Variants in PSG7 observed in about 807,000 individuals in gnomAD.
The protein encoded by PSG7 is pregnancy-specific beta-1-glycoprotein 7.
PSG7 carries 57 observed loss-of-function variants against 45.6 expected under a neutral mutation model. That is an observed-to-expected ratio of 1.25 (90% CI 1.01 to 1.56). The LOEUF (loss-of-function observed/expected upper bound fraction) is 1.56, where lower values mean the gene tolerates loss of function less well. Among genes scored for constraint, PSG7 ranks in the 40% most tolerant of loss-of-function variants. PSG7 has a pLI of 0.00. For missense variants in PSG7, 796 were observed against 508.4 expected (o/e 1.57, Z -5.44); for synonymous variants, 298 against 194.4 (o/e 1.53, Z -4.43).
intron 2 of PSG7, among the ~76,000 whole-genome samples, chr19:42,930,443 C>T (rs1326346709): frequency 6.6e-6 from 1 of 151,650 alleles, no homozygotes; most frequent in Admixed American, 6.6e-5. Context: ...ACCATGTTCC[C>T]TGTTCTGGGT....
intron 2 of PSG7, among the ~76,000 whole-genome samples, chr19:42,933,614 G>T (rs1264953758): frequency 6.6e-6 from 1 of 150,528 alleles, no homozygotes; most frequent in Non-Finnish European, 1.5e-5. Flanking sequence ...AGTCAGCCTA[G>T]TTAGAGGGAG....
intron 1 of PSG7, chr19:42,936,050 T>C (rs1226164103): frequency 5.7e-6 from 3 of 528,916 alleles, no homozygotes; most frequent in Non-Finnish European, 9.0e-6. Context: ...TGGAATCCTC[T>C]TCCCCAGGGG....
intron 2 of PSG7, among the ~76,000 whole-genome samples, chr19:42,935,167 C>G (rs1367949856): frequency 6.6e-6 from 1 of 151,880 alleles, no homozygotes; most frequent in Non-Finnish European, 1.5e-5. Flanking sequence ...GCTGAGTCCC[C>G]CCATCAGACT....
chr19:42,925,029 G>C lies in PSG7; in HGVS notation c.1244-205C>G, dbSNP rs1167055021. ...GATTGTTTACATAAGTGCAGCAAGA[G>C]TAGCAATGGACTATGTAGGCTCTCT... is the stretch of plus-strand genomic sequence containing the variant. On this transcript the variant is annotated intron_variant, in intron 5 of 5. Transcript: ENST00000406070. 3 of 603,338 alleles carry C rather than the reference G, an allele frequency of 5.0e-6. No homozygotes were observed. The African/African-American group carries it at 5.6e-5, about 11-fold the overall frequency. The allele number at this position is 603,338 out of a possible 1,614,324, so 37.4% of individuals were successfully genotyped here.
chr19:42,924,689 T>C lies in PSG7; in HGVS notation c.*119A>G. 1 of 763,764 alleles carries C rather than the reference T, an allele frequency of 1.3e-6. No individual in the cohort carries two copies. 47.3% of individuals were successfully genotyped at this position (763,764 alleles called of 1,614,324 possible). A position where few individuals can be genotyped will look rare whatever the true frequency, so the allele number is the denominator to read the frequency against. ...GTGGCTCAGACATCAGGTACAAGGATTTTCCCATGAAATTTACATTGAGTT... is the reference window on the plus strand; with the variant it reads ...GTGGCTCAGACATCAGGTACAAGGACTTTCCCATGAAATTTACATTGAGTT... On this transcript the variant is annotated 3_prime_UTR_variant, in exon 6 of 6. Coordinates refer to ENST00000406070, the MANE Select transcript of PSG7 (RefSeq NM_002783.3).
At chr19:42,936,934 A>T (rs150927062) in intron 1 of PSG7, 79 bp downstream of exon 1, 4 of 1,576,896 alleles carry the variant, frequency 2.5e-6, no homozygotes, top group Admixed American at 1.7e-5. Flanking sequence ...TATTTTTTAG[A>T]ACCCCATCCT....
In PSG7 at chr19:42,932,909, T is replaced by A. The variant is rs1178814173; in HGVS notation, c.430+2495A>T. Among the ~76,000 whole-genome samples, 3 of 151,196 alleles carry A rather than the reference T, an allele frequency of 2.0e-5. No homozygotes were observed. In the Admixed American group the frequency reaches 2.0e-4, roughly 10 times the overall value. Reference sequence around the variant, plus strand: ...CAAAATTTGTAACTAATTGCTCCTATAGATAACATCACTATTGTAGAACGT... The same window carrying A: ...CAAAATTTGTAACTAATTGCTCCTAAAGATAACATCACTATTGTAGAACGT... On this transcript the variant is annotated intron_variant, in intron 2 of 5. Coordinates refer to ENST00000406070, the MANE Select transcript of PSG7 (RefSeq NM_002783.3).
rs185373247 is a variant in PSG7, at chr19:42,937,089, C to T, written c.-13G>A. 7.1e-5 allele frequency: 114 copies of T among 1,609,858 alleles called. 2 individuals are homozygous for T. Among genetic ancestry groups the T allele is most frequent in the Non-Finnish European group, 8.8e-5 (104 of 1,177,592 alleles). On this transcript the variant is annotated 5_prime_UTR_variant, in exon 1 of 6. Coordinates refer to ENST00000406070, the MANE Select transcript of PSG7 (RefSeq NM_002783.3). ...AGAGGGGCCCCATGGTCTCTGCTCC[C>T]TGCGTGTTCTCCTCTGTGGAGATGA...
In PSG7 at chr19:42,925,538, T is replaced by C. The variant is rs187847881; in HGVS notation, c.1243+235A>G. On this transcript the variant is annotated intron_variant, in intron 5 of 5. Coordinates refer to ENST00000406070, the MANE Select transcript of PSG7 (RefSeq NM_002783.3). ...TCCTCATTATTATCAATTATTTCAA[T>C]GAAATCAATGTTTTTCCTGCTTGGT... 2.7e-6 allele frequency: 3 copies of C among 1,100,832 alleles called. 1 individual carries two copies. The highest frequency in any genetic ancestry group is 5.3e-5 in the East Asian group (2 of 37,788). 68.2% of individuals were successfully genotyped at this position (1,100,832 alleles called of 1,614,324 possible). A position where few individuals can be genotyped will look rare whatever the true frequency, so the allele number is the denominator to read the frequency against.
Position 42,933,290 on chromosome 19 carries a change from TA to T in PSG7, c.430+2113del, listed in dbSNP as rs1568459509. 9.6e-3 allele frequency among the ~76,000 whole-genome samples: 115 copies of T among 12,032 alleles called. 15 individuals carry two copies. The highest frequency in any genetic ancestry group is 0.013 in the East Asian group (4 of 310). The allele number at this position is 12,032 out of a possible 152,430, so 7.9% of individuals were successfully genotyped here. On this transcript the variant is annotated intron_variant, in intron 2 of 5. Coordinates refer to ENST00000406070, the MANE Select transcript of PSG7 (RefSeq NM_002783.3). ...CAATATATATATATATATATATATA[TA>T]TATATATATATATATATTTTTTTTT...
At position 42,929,274 on chromosome 19, in the gene PSG7, C is replaced by T. The variant is rs1178610169; in HGVS notation, c.709+168G>A. The T allele has an allele frequency of 2.1e-6, 3 of 1,450,464 alleles. No individual in the cohort carries two copies. The Admixed American group carries it at 6.6e-5, about 32-fold the overall frequency. The allele number at this position is 1,450,464 out of a possible 1,614,324, so 89.8% of individuals were successfully genotyped here. ...CAGCCTCTTTTCTCTTATTGTGGATCAAGCCTAGGCCTACTCTGGTTTGCC... is the reference window on the plus strand; with the variant it reads ...CAGCCTCTTTTCTCTTATTGTGGATTAAGCCTAGGCCTACTCTGGTTTGCC... On this transcript the variant is annotated intron_variant, in intron 3 of 5. Coordinates refer to ENST00000406070, the MANE Select transcript of PSG7 (RefSeq NM_002783.3).
At chr19:42,924,916 C>G (rs1342613302) in intron 5 of PSG7, 92 bp from the exon 6 acceptor site, 1 of 754,516 alleles carries the variant, frequency 1.3e-6, no homozygotes, top group Non-Finnish European at 2.4e-6. Context: ...TAATTTTTCT[C>G]TCTATGGGCA....
Position 42,925,774 on chromosome 19 carries a change from A to G in PSG7, c.1242T>C (p.Ser414=), listed in dbSNP as rs759333127. 4.3e-6 allele frequency: 7 copies of G among 1,612,032 alleles called. 1 individual carries two copies. Among genetic ancestry groups the G allele is most frequent in the Non-Finnish European group, 5.9e-6 (7 of 1,179,004 alleles). The change falls in exon 5 of 6, where the codon TCT becomes TCC. Residue 414 remains serine, a splice_region_variant and synonymous_variant. Transcript: ENST00000406070. ...CCAAGGATGCTGGGATCCACTTACCAGAGACTCTGACTGTCACGGATTTGG... is the reference window on the plus strand; with the variant it reads ...CCAAGGATGCTGGGATCCACTTACCGGAGACTCTGACTGTCACGGATTTGG... The part of the protein sequence containing the change: ...ESSKSVTVRV[S]DWTLP
rs1973129888 is a variant in PSG7 at position 42,935,562 on chromosome 19, T to G, written c.272A>C (p.Tyr91Ser). 1.2e-6 allele frequency: 2 copies of G among 1,611,956 alleles called. No homozygotes were observed. The highest frequency in any genetic ancestry group is 1.3e-5 in the African/African-American group (1 of 74,522). The stretch of plus-strand genomic sequence containing the variant: ...TTCTCGTCCACTGTATGCAGGCCCA[T>G]ATTTAATTATTTGACCGTCTACTAT... ...SYIVDGQIIK[Y>S]GPAYSGRETV... Residue 91 changes from tyrosine to serine, a missense_variant, in exon 2 of 6, where the codon TAT becomes TCT. By Grantham distance (144) the Tyr-to-Ser change is moderately radical (BLOSUM62 -2). Coordinates refer to ENST00000406070, the MANE Select transcript of PSG7 (RefSeq NM_002783.3).
chr19:42,929,485 T>C lies in PSG7; in HGVS notation c.666A>G (p.Pro222=). 3 of 1,612,586 alleles carry C rather than the reference T, an allele frequency of 1.9e-6. No homozygotes were observed. Among genetic ancestry groups the C allele is most frequent in the Non-Finnish European group, 2.5e-6 (3 of 1,179,218 alleles). ...CTGGGTCACTGCGGCTGGCACTCAC[T>C]GGGTTCCGTATTTCACATTCATAGG... is the stretch of plus-strand genomic sequence containing the variant. ...AGPYECEIRN[P]VSASRSDPVT... is the part of the protein sequence containing the mutation. The change falls in exon 3 of 6, where the codon CCA becomes CCG. Residue 222 remains proline (P), a synonymous_variant. Transcript: ENST00000406070.
rs769937860 is a variant in PSG7 at position 42,926,665 on chromosome 19, T to G, written c.761A>C (p.Asn254Thr). 1 of 1,610,328 alleles carries G rather than the reference T, an allele frequency of 6.2e-7. No homozygotes were observed. The part of the protein sequence containing the change: ...ITINNLNPRE[N>T]KDVSTFTCEP... ...ACAGGTGAAGGTTGAGACATCCTTA[T>G]TCTCCCTGGGGTTTAAGTTATTGAT... The change falls in exon 4 of 6, where the codon AAT (asparagine) becomes ACT (threonine). Residue 254 changes from asparagine (N) to threonine (T), a missense_variant. Coordinates refer to ENST00000406070, the MANE Select transcript of PSG7 (RefSeq NM_002783.3).
chr19:42,925,209 A>T, intron 5 of PSG7: 1 of 315,958 alleles, frequency 3.2e-6, no homozygotes, highest in Non-Finnish European at 5.8e-6. Flanking sequence ...ATAACATCCC[A>T]GTCAAAGCCT....
At chr19:42,935,123 G>A (rs28712825) in intron 2 of PSG7, among the ~76,000 whole-genome samples, 21,737 of 151,220 alleles carry the variant, frequency 0.14, 168 homozygotes, top group East Asian at 0.32. Flanking sequence ...TATGAAGAGG[G>A]CATGAGGTGC....
At chr19:42,933,598 C>T (rs747628142) in intron 2 of PSG7, among the ~76,000 whole-genome samples, 10 of 150,314 alleles carry the variant, frequency 6.7e-5, no homozygotes, top group Non-Finnish European at 1.3e-4. Context: ...GGGAAGGGAA[C>T]AGAACAGTCA....
Sources: allele counts gnomAD v4.1 joint callset (sites outside exome capture counted in the v4.1 genomes callset), GRCh38; gene constraint gnomAD v4.1.1; transcripts MANE v1.5; gene names NCBI Gene and HGNC (gene_info 2026-07-23, HGNC 2026-07-21).